RCC2: variants seen among roughly 807,000 people sequenced by gnomAD.
The protein encoded by RCC2 is regulator of chromosome condensation 2.
RCC2 carries 19 observed loss-of-function variants against 64.1 expected under a neutral mutation model. The observed-to-expected ratio is 0.30, with a 90% CI of 0.21 to 0.44. The LOEUF (loss-of-function observed/expected upper bound fraction) is 0.44. RCC2 is among the 20% of genes least tolerant of loss of function. RCC2 has a pLI of 1.00. For synonymous variants in RCC2, 325 were observed against 279.6 expected (o/e 1.16, Z -1.62); for missense variants, 508 against 710.4 (o/e 0.72, Z 3.24).
Position 17,422,298 on chromosome 1 carries a change from G to A in RCC2, c.656-7C>T. 6.2e-7 allele frequency: 1 copy of A among 1,607,826 alleles called. No individual in the cohort carries two copies. The highest frequency in any genetic ancestry group is 8.5e-7 in the Non-Finnish European group (1 of 1,177,030). The stretch of plus-strand genomic sequence containing the variant: ...GCAAACACGGAGCCCGTTTCTGGAA[G>A]AAAGGAAAAATATCACAAAAGGGAA... On this transcript the variant is annotated splice_region_variant and splice_polypyrimidine_tract_variant and intron_variant, in intron 5 of 12. Coordinates refer to ENST00000375436, the MANE Select transcript of RCC2 (RefSeq NM_018715.4).
At chr1:17,435,329 C>G (rs1405739014) in intron 2 of RCC2, among the ~76,000 whole-genome samples, 1 of 152,236 alleles carries the variant, frequency 6.6e-6, no homozygotes, top group African/African-American at 2.4e-5. Flanking sequence ...TTTGGGGTCA[C>G]TGAAGGCAAT....
chr1:17,431,841 G>A (rs1179919801), intron 2 of RCC2, among the ~76,000 whole-genome samples: 3 of 152,126 alleles, frequency 2.0e-5, no homozygotes, highest in South Asian at 2.1e-4. Flanking sequence ...CTCATGGCCC[G>A]TCATCCCAGC....
At chr1:17,411,989 C>T (rs2075431940) in intron 11 of RCC2, 133 bp downstream of exon 11, 2 of 782,732 alleles carry the variant, frequency 2.6e-6, no homozygotes, top group Non-Finnish European at 4.4e-6. Flanking sequence ...TGTTGCAAAC[C>T]TTAATACAAT....
rs373889001 is a variant in RCC2, at chr1:17,425,088, G to A, written c.523+453C>T. Among the ~76,000 whole-genome samples, 27 of 152,304 alleles carry A rather than the reference G, an allele frequency of 1.8e-4. 1 individual carries two copies. The South Asian group carries it at 2.9e-3, about 16-fold the overall frequency. ...AGACCTCAGACACGAGGGCCATGGC[G>A]GCAGGGACGCAGCATCCTATGACAT... On this transcript the variant is annotated intron_variant, in intron 4 of 12. Coordinates refer to ENST00000375436, the MANE Select transcript of RCC2 (RefSeq NM_018715.4).
At chr1:17,422,055 C>A in intron 6 of RCC2, 148 bp downstream of exon 6, 1 of 535,732 alleles carries the variant, frequency 1.9e-6, no homozygotes. Flanking sequence ...AAAAAACAAA[C>A]AAAAAAACTC....
chr1:17,416,609 C>A lies in RCC2; in HGVS notation c.897G>T (p.Gln299His). The A allele has an allele frequency of 6.2e-7, 1 of 1,613,844 alleles. No homozygotes were observed. Among genetic ancestry groups the A allele is most frequent in the Non-Finnish European group, 8.5e-7 (1 of 1,179,990 alleles). The change falls in exon 8 of 13, where the codon CAG becomes CAT. Residue 299 changes from glutamine (Q) to histidine (H), a missense_variant. Around this residue, in one of 4 missense-constraint regions of RCC2, gnomAD observed 179 missense variants for 322.0 expected, o/e 0.56. Coordinates refer to ENST00000375436, the MANE Select transcript of RCC2 (RefSeq NM_018715.4). ...NSDGKFIARA[Q>H]RIEYDCELVP... is the part of the protein sequence containing the mutation. ...CTAGTTCACAGTCGTACTCTATCCG[C>A]TGTGCCCGGGCGATGAACTTCCCAT...
rs554115292 is a variant in RCC2 at position 17,438,266 on chromosome 1, C to T, written c.249G>A (p.Val83=). 580 of 1,317,934 alleles carry T rather than the reference C, an allele frequency of 4.4e-4. 5 individuals carry two copies. In the South Asian group the frequency reaches 9.1e-3, roughly 21 times the overall value. 81.6% of individuals were successfully genotyped at this position (1,317,934 alleles called of 1,614,324 possible). A position where few individuals can be genotyped will look rare whatever the true frequency, so the allele number is the denominator to read the frequency against. ...ATAGKAGGAA[V]VITEPEHTKE... ...TGGTGTGCTCGGGTTCGGTGATGAC[C>T]ACGGCCGCGCCGCCCGCCTTGCCTG... The change falls in exon 2 of 13, where the codon GTG becomes GTA. Residue 83 remains valine (V), a synonymous_variant. Transcript: ENST00000375436.
At chr1:17,422,624 A>G in intron 5 of RCC2, 81 bp downstream of exon 5, 1 of 1,548,628 alleles carries the variant, frequency 6.5e-7, no homozygotes, top group Non-Finnish European at 8.8e-7. Context: ...GGGGAACTCC[A>G]CCACCCCACG....
intron 2 of RCC2, among the ~76,000 whole-genome samples, chr1:17,435,138 T>C (rs758017316): frequency 3.3e-5 from 5 of 152,204 alleles, no homozygotes; most frequent in Non-Finnish European, 2.9e-5. Context: ...GTGTTGGTTG[T>C]TGAGTGTGGC....
At chr1:17,417,857 C>T (rs1179988240) in intron 7 of RCC2, among the ~76,000 whole-genome samples, 1 of 151,522 alleles carries the variant, frequency 6.6e-6, no homozygotes, top group Admixed American at 6.6e-5. Context: ...ACAGGTTCAA[C>T]CAACAGTGGT....
intron 11 of RCC2, 46 bp downstream of exon 11, chr1:17,412,076 C>G (rs772752363): frequency 2.0e-6 from 3 of 1,519,834 alleles, no homozygotes; most frequent in African/African-American, 1.6e-5. Context: ...CATGAGCCAC[C>G]CTGACTGGCT....
intron 10 of RCC2, among the ~76,000 whole-genome samples, chr1:17,412,438 T>C (rs1249882742): frequency 6.6e-6 from 1 of 152,140 alleles, no homozygotes; most frequent in Non-Finnish European, 1.5e-5. Context: ...GCAGGGGACC[T>C]TGCTGTGCAT....
At chr1:17,420,341 C>T (rs2075542192) in intron 7 of RCC2, among the ~76,000 whole-genome samples, 1 of 152,212 alleles carries the variant, frequency 6.6e-6, no homozygotes, top group Admixed American at 6.5e-5. Context: ...GTTTCCAGAA[C>T]AACGTTCATT....
At chr1:17,423,848 G>C (rs2075583839) in intron 4 of RCC2, among the ~76,000 whole-genome samples, 1 of 152,256 alleles carries the variant, frequency 6.6e-6, no homozygotes, top group Admixed American at 6.5e-5. Flanking sequence ...AAGGCAGACA[G>C]CAGAGCCATT....
intron 3 of RCC2, among the ~76,000 whole-genome samples, chr1:17,428,009 T>C (rs1311573766): frequency 6.6e-6 from 1 of 152,038 alleles, no homozygotes; most frequent in Non-Finnish European, 1.5e-5. Context: ...GGCTGCTGGT[T>C]TTCACCAGAT....
Position 17,407,711 on chromosome 1 carries a change from GAAA to G in RCC2, c.*1376_*1378del, listed in dbSNP as rs1030326163. 1 of 148,998 alleles carries G rather than the reference GAAA, an allele frequency of 6.7e-6. No individual in the cohort carries two copies. The highest frequency in any genetic ancestry group is 2.5e-5 in the African/African-American group (1 of 40,494). 9.2% of individuals were successfully genotyped at this position (148,998 alleles called of 1,614,324 possible). A position where few individuals can be genotyped will look rare whatever the true frequency, so the allele number is the denominator to read the frequency against. On this transcript the variant is annotated 3_prime_UTR_variant, in exon 13 of 13. Transcript: ENST00000375436. ...AGTGACAAGTGGTAACAAAGCAAAA[GAAA>G]AAAAAAACTTGAAGAGACCAATATT...
At chr1:17,417,678 G>C (rs1184485354) in intron 7 of RCC2, among the ~76,000 whole-genome samples, 4 of 151,884 alleles carry the variant, frequency 2.6e-5, no homozygotes, top group Admixed American at 2.6e-4. Flanking sequence ...ACAAGTTTCT[G>C]TCTCCAAAAA....
At position 17,422,778 on chromosome 1, in the gene RCC2, T is replaced by C. The variant is rs1284541956; in HGVS notation, c.582A>G (p.Arg194=). 1.2e-6 allele frequency: 2 copies of C among 1,613,904 alleles called. No homozygotes were observed. Among genetic ancestry groups the C allele is most frequent in the Non-Finnish European group, 1.7e-6 (2 of 1,179,992 alleles). ...CTTCGTGGCTAAGACCCTCGATGAG[T>C]CTAGGGGCTTCTACTCTCTTGGTGT... The part of the protein sequence containing the change: ...HGDTKRVEAP[R]LIEGLSHEVI... The change falls in exon 5 of 13, where the codon AGA becomes AGG. Residue 194 remains arginine, a synonymous_variant. Coordinates refer to ENST00000375436, the MANE Select transcript of RCC2 (RefSeq NM_018715.4).
chr1:17,428,278 C>A (rs959102292), intron 3 of RCC2, among the ~76,000 whole-genome samples: 15 of 152,260 alleles, frequency 9.9e-5, no homozygotes, highest in African/African-American at 3.6e-4. Context: ...CAAAAGCCAC[C>A]ATGTGGACGT....
Sources: allele counts gnomAD v4.1 joint callset (sites outside exome capture counted in the v4.1 genomes callset), GRCh38; gene constraint gnomAD v4.1.1; regional missense constraint gnomAD v4.1.1; transcripts MANE v1.5; gene names NCBI Gene and HGNC (gene_info 2026-07-23, HGNC 2026-07-21).